UNC80: variants seen among roughly 807,000 people sequenced by gnomAD.
The protein encoded by UNC80 is protein unc-80 homolog.
Under a neutral mutation model 384.6 loss-of-function variants are expected in UNC80, and 164 were observed. That is an observed-to-expected ratio of 0.43 (90% CI 0.38 to 0.49). The LOEUF is 0.49. UNC80 is among the 20% of genes least tolerant of loss of function. UNC80 has a pLI of 0.00. For missense variants in UNC80, 3,330 were observed against 4,143.0 expected (o/e 0.80, Z 5.39); for synonymous variants, 1,486 against 1,527.8 (o/e 0.97, Z 0.64).
intron 5 of UNC80, among the ~76,000 whole-genome samples, chr2:209,787,528 TAA>T (rs1335592087): frequency 2.0e-5 from 3 of 152,158 alleles, no homozygotes; most frequent in Non-Finnish European, 4.4e-5. Context: ...TTGCGCCACA[TAA>T]CAGCATTTTG....
At chr2:209,809,291 T>G in intron 7 of UNC80, 1 of 754,516 alleles carries the variant, frequency 1.3e-6, no homozygotes, top group East Asian at 2.5e-5. Context: ...CTGGGTGCCC[T>G]CAAGAAACAC....
chr2:209,926,901 A>G lies in UNC80; in HGVS notation c.5721A>G (p.Ala1907=), dbSNP rs1446957260. Residue 1907 remains alanine (A), a synonymous_variant, in exon 36 of 65, where the codon GCA becomes GCG. Transcript: ENST00000673920. Reference sequence around the variant, plus strand: ...ACCATGTGCCTCAGCCCCCACAAGCAGTGTTCCCAGCATGCATCTGTGCAG... The same window carrying G: ...ACCATGTGCCTCAGCCCCCACAAGCGGTGTTCCCAGCATGCATCTGTGCAG... ...PNHHVPQPPQ[A]VFPACICAAV... The G allele has an allele frequency of 5.2e-6, 8 of 1,552,144 alleles. No homozygotes were observed. The highest frequency in any genetic ancestry group is 7.0e-6 in the Non-Finnish European group (8 of 1,147,098).
intron 48 of UNC80, 26 bp downstream of exon 48, chr2:209,954,296 C>A: frequency 1.4e-6 from 2 of 1,449,350 alleles, no homozygotes; most frequent in Non-Finnish European, 1.8e-6. Context: ...GAAATAGCTA[C>A]AGCCTTACAT....
chr2:209,980,900 A>T (rs997337914), intron 59 of UNC80, among the ~76,000 whole-genome samples: 1 of 152,232 alleles, frequency 6.6e-6, no homozygotes, highest in Non-Finnish European at 1.5e-5. Flanking sequence ...CTGTAGAAAT[A>T]GCTGAATCTA....
chr2:209,909,733 G>A (rs1320609481), intron 29 of UNC80, among the ~76,000 whole-genome samples: 1 of 152,140 alleles, frequency 6.6e-6, no homozygotes, highest in Non-Finnish European at 1.5e-5. Flanking sequence ...AGGATGCCGA[G>A]AGGAGTCACA....
At chr2:209,905,413 G>A (rs2088067109) in intron 29 of UNC80, among the ~76,000 whole-genome samples, 1 of 152,092 alleles carries the variant, frequency 6.6e-6, no homozygotes, top group Non-Finnish European at 1.5e-5. Flanking sequence ...AGTCAGGAGG[G>A]TCAGAGCCAG....
intron 22 of UNC80, among the ~76,000 whole-genome samples, chr2:209,853,800 C>G (rs1234347686): frequency 6.6e-6 from 1 of 152,074 alleles, no homozygotes; most frequent in African/African-American, 2.4e-5. Flanking sequence ...ATGAATAACA[C>G]TAATACCAAT....
intron 43 of UNC80, 31 bp downstream of exon 43, chr2:209,939,683 G>T: frequency 1.3e-6 from 2 of 1,491,990 alleles, no homozygotes; most frequent in South Asian, 2.8e-5. Context: ...GCCTCTCTGG[G>T]GCTTTTTCTA....
chr2:209,776,627 G>A (rs1180610620), intron 3 of UNC80, among the ~76,000 whole-genome samples: 1 of 152,072 alleles, frequency 6.6e-6, no homozygotes, highest in African/African-American at 2.4e-5. Context: ...AATATTAGAG[G>A]CAAGCTAAGA....
chr2:209,833,865 A>C (rs537327847), intron 16 of UNC80, 137 bp from the exon 17 acceptor site: 5 of 768,168 alleles, frequency 6.5e-6, no homozygotes, highest in Admixed American at 6.0e-5. Flanking sequence ...CAGTTTCATC[A>C]ATAGTAAACT....
chr2:209,992,168 T>C lies in UNC80; in HGVS notation c.9317T>C (p.Val3106Ala). ...CTAACACTGTTGATGCTTGGCAGGG[T>C]GGCAAGTATACAGAGTGAACCTGGT... The part of the protein sequence containing the change: ...GLAAEGSLSR[V>A]ASIQSEPGQQ... The change falls in exon 62 of 65, where the codon GTG becomes GCG. Residue 3106 changes from valine to alanine, a missense_variant and splice_region_variant. Val to Ala is a moderately conservative substitution (Grantham distance 64). This residue lies in a region of UNC80 where 216 missense variants were observed against 245.3 expected (regional missense o/e 0.88). Coordinates refer to ENST00000673920, the MANE Select transcript of UNC80 (RefSeq NM_001371986.1). 1 of 1,551,476 alleles carries C rather than the reference T, an allele frequency of 6.4e-7. No homozygotes were observed. The highest frequency in any genetic ancestry group is 2.4e-5 in the East Asian group (1 of 40,916).
rs1018001879 is a variant in UNC80, at chr2:209,789,414, T to G, written c.725-118T>G. The G allele has an allele frequency of 4.3e-6, 3 of 694,416 alleles. No homozygotes were observed. In the African/African-American group the frequency reaches 5.4e-5, roughly 13 times the overall value. The allele number at this position is 694,416 out of a possible 1,614,324, so 43.0% of individuals were successfully genotyped here. Reference sequence around the variant, plus strand: ...TCTCTTACAATATGCGTTAATGTCTTCTTTTAAAGTAATAATGTTCTATTA... The same window carrying G: ...TCTCTTACAATATGCGTTAATGTCTGCTTTTAAAGTAATAATGTTCTATTA... On this transcript the variant is annotated intron_variant, in intron 5 of 64. Coordinates refer to ENST00000673920, the MANE Select transcript of UNC80 (RefSeq NM_001371986.1).
chr2:209,867,429 A>C (rs2083928218), intron 22 of UNC80, among the ~76,000 whole-genome samples: 1 of 152,044 alleles, frequency 6.6e-6, no homozygotes, highest in African/African-American at 2.4e-5. Flanking sequence ...GGGGGCATGG[A>C]ATTAGCCCAT....
chr2:209,937,000 G>A (rs1183330860), intron 41 of UNC80, 67 bp downstream of exon 41: 3 of 1,131,518 alleles, frequency 2.7e-6, no homozygotes, highest in Non-Finnish European at 3.9e-6. Flanking sequence ...CCTGAGGGTG[G>A]CTCACAGTCA....
Position 209,973,077 on chromosome 2 carries a change from G to A in UNC80, c.8394G>A (p.Leu2798=). Reference sequence around the variant, plus strand: ...TCTGCCCCTCAGATAGCCCATGGCTGGAGCAGCCTGAGGTGCAGCTGCTGC... The same window carrying A: ...TCTGCCCCTCAGATAGCCCATGGCTAGAGCAGCCTGAGGTGCAGCTGCTGC... ...VGSGSKDSPW[L]EQPEVQLLLQ... Residue 2798 remains leucine, a synonymous_variant, in exon 56 of 65, where the codon CTG becomes CTA. Transcript: ENST00000673920. The A allele has an allele frequency of 3.9e-6, 6 of 1,551,558 alleles. No homozygotes were observed. Among genetic ancestry groups the A allele is most frequent in the Non-Finnish European group, 5.2e-6 (6 of 1,147,000 alleles).
intron 36 of UNC80, among the ~76,000 whole-genome samples, chr2:209,929,115 C>T (rs1202473538): frequency 6.6e-6 from 1 of 152,090 alleles, no homozygotes; most frequent in Non-Finnish European, 1.5e-5. Context: ...GTTTCTGAAT[C>T]AAAATTTGGT....
intron 22 of UNC80, among the ~76,000 whole-genome samples, chr2:209,858,509 AC>A (rs575434616): frequency 1.3e-5 from 2 of 152,084 alleles, no homozygotes; most frequent in Non-Finnish European, 2.9e-5. Flanking sequence ...GGAGTTCAAG[AC>A]CAGCCTGGCC....
intron 61 of UNC80, among the ~76,000 whole-genome samples, chr2:209,991,302 G>A (rs1021344408): frequency 2.0e-5 from 3 of 152,150 alleles, no homozygotes; most frequent in African/African-American, 4.8e-5. Flanking sequence ...CTGGGGCACA[G>A]GATACTTCTT....
At chr2:209,797,158 C>A (rs1275902829) in intron 7 of UNC80, among the ~76,000 whole-genome samples, 1 of 152,046 alleles carries the variant, frequency 6.6e-6, no homozygotes, top group East Asian at 1.9e-4. Flanking sequence ...TAATTCATTC[C>A]TTTGTATTGT....
Sources: allele counts gnomAD v4.1 joint callset (sites outside exome capture counted in the v4.1 genomes callset), GRCh38; gene constraint gnomAD v4.1.1; regional missense constraint gnomAD v4.1.1; transcripts MANE v1.5; gene names NCBI Gene and HGNC (gene_info 2026-07-23, HGNC 2026-07-21).